The following ADGRG6 variants were observed in gnomAD, a reference collection of about 807,000 sequenced individuals.
ADGRG6 encodes the protein G-protein coupled receptor 126.
Under a neutral mutation model 142.4 loss-of-function variants are expected in ADGRG6, and 84 were observed. The ratio of observed to expected loss-of-function variants is 0.59; its 90% CI spans 0.49 to 0.71. The LOEUF (loss-of-function observed/expected upper bound fraction) is 0.71. Ranked by LOEUF, ADGRG6 falls within the 30% of genes least tolerant of loss-of-function variation. ADGRG6 has a pLI of 0.00. For synonymous variants in ADGRG6, 521 were observed against 520.5 expected, an observed-to-expected ratio of 1.00 and a Z score of -0.01; for missense variants, 1,367 against 1,466.6, an observed-to-expected ratio of 0.93 and a Z score of 1.11.
intron 6 of ADGRG6, among the ~76,000 whole-genome samples, chr6:142,389,400 A>G (rs1402061359): frequency 1.3e-5 from 2 of 151,920 alleles, no homozygotes; most frequent in Admixed American, 6.6e-5. Flanking sequence ...GGAGACTCAA[A>G]AAATTTTCTT....
intron 2 of ADGRG6, among the ~76,000 whole-genome samples, chr6:142,318,862 A>G (rs1408757224): frequency 6.6e-6 from 1 of 151,982 alleles, no homozygotes; most frequent in African/African-American, 2.4e-5. Flanking sequence ...GGGAGACCAG[A>G]CTGGAGGATG....
At chr6:142,338,554 TTAAA>T (rs1450231757) in intron 2 of ADGRG6, among the ~76,000 whole-genome samples, 1 of 151,396 alleles carries the variant, frequency 6.6e-6, no homozygotes, top group Non-Finnish European at 1.5e-5. Context: ...TATTTTGTGC[TTAAA>T]TAATAGTAGT....
intron 18 of ADGRG6, among the ~76,000 whole-genome samples, chr6:142,414,138 A>G (rs995980937): frequency 1.1e-4 from 16 of 152,142 alleles, no homozygotes; most frequent in African/African-American, 3.1e-4. Context: ...TTCTCCTCCA[A>G]CCAGGATTGA....
At chr6:142,319,937 G>C (rs1312672878) in intron 2 of ADGRG6, among the ~76,000 whole-genome samples, 3 of 152,022 alleles carry the variant, frequency 2.0e-5, no homozygotes, top group Non-Finnish European at 4.4e-5. Flanking sequence ...TTACGTTTTT[G>C]GTCAGAAAAA....
chr6:142,315,090 A>G (rs1562303505), intron 2 of ADGRG6, among the ~76,000 whole-genome samples: 1 of 151,934 alleles, frequency 6.6e-6, no homozygotes, highest in East Asian at 1.9e-4. Context: ...TTTAGCGGGT[A>G]CTTTTAATAA....
chr6:142,405,033 A>G (rs1384264185), intron 14 of ADGRG6, among the ~76,000 whole-genome samples: 2 of 152,216 alleles, frequency 1.3e-5, no homozygotes, highest in Non-Finnish European at 2.9e-5. Flanking sequence ...AGCACAATAT[A>G]TCTTTTAACT....
intron 6 of ADGRG6, among the ~76,000 whole-genome samples, chr6:142,386,317 A>T (rs985285064): frequency 7.2e-5 from 11 of 152,222 alleles, no homozygotes; most frequent in African/African-American, 2.7e-4. Context: ...GATTGATATA[A>T]ACAAGAGTTA....
chr6:142,398,236 G>A (rs963064854), intron 10 of ADGRG6, among the ~76,000 whole-genome samples: 1 of 152,138 alleles, frequency 6.6e-6, no homozygotes, highest in African/African-American at 2.4e-5. Context: ...GACTAGCCTG[G>A]GCTACACAGG....
At chr6:142,317,465 CTT>C (rs1487989536) in intron 2 of ADGRG6, among the ~76,000 whole-genome samples, 2 of 151,434 alleles carry the variant, frequency 1.3e-5, no homozygotes, top group Admixed American at 1.3e-4. Context: ...AGTTAGGTAT[CTT>C]TAATCAGAGT....
chr6:142,401,182 A>G (rs567893859), intron 11 of ADGRG6, among the ~76,000 whole-genome samples: 1 of 152,198 alleles, frequency 6.6e-6, no homozygotes, highest in Non-Finnish European at 1.5e-5. Flanking sequence ...CTGCCTAAGC[A>G]TAAATACTTT....
intron 3 of ADGRG6, 77 bp downstream of exon 3, chr6:142,367,987 A>G: frequency 2.6e-6 from 2 of 767,598 alleles, no homozygotes; most frequent in Non-Finnish European, 4.3e-6. Context: ...ACCAGAAGAC[A>G]GAGTTATGCT....
intron 1 of ADGRG6, among the ~76,000 whole-genome samples, chr6:142,308,694 C>T (rs9376685): frequency 0.099 from 15,009 of 151,684 alleles, 1,587 homozygotes; most frequent in East Asian, 0.62. Flanking sequence ...TTCTGCTCAC[C>T]AGTCCACTTA....
intron 2 of ADGRG6, among the ~76,000 whole-genome samples, chr6:142,338,038 T>TTTTTTTTTTTTTTTTTTTTTTTTG (rs71021663): frequency 8.1e-6 from 1 of 123,640 alleles, no homozygotes; most frequent in Non-Finnish European, 1.7e-5. Context: ...TTTTTTTTTT[T>TTTTTTTTTTTTTTTTTTTTTTTTG]GAGACGGAGT....
chr6:142,349,977 C>G (rs1324621216), intron 2 of ADGRG6, among the ~76,000 whole-genome samples: 2 of 152,148 alleles, frequency 1.3e-5, no homozygotes, highest in African/African-American at 4.8e-5. Flanking sequence ...ACAAGTACTA[C>G]CAGCACTCGG....
rs545203599 is a variant in ADGRG6 at position 142,378,551 on chromosome 6, A to G, written c.1070-3400A>G. Among the ~76,000 whole-genome samples, 3 of 152,354 alleles carry G rather than the reference A, an allele frequency of 2.0e-5. 1 individual carries two copies. In the South Asian group the frequency reaches 6.2e-4, roughly 32 times the overall value. On this transcript the variant is annotated intron_variant, in intron 4 of 24. Coordinates refer to ENST00000367609, the MANE Select transcript of ADGRG6 (RefSeq NM_198569.3). ...GGGAATAATGGGCAAAAAGCATTCAAGACAAAATTCCACCTCAGTCCTGCC... is the reference window on the plus strand; with the variant it reads ...GGGAATAATGGGCAAAAAGCATTCAGGACAAAATTCCACCTCAGTCCTGCC...
intron 2 of ADGRG6, among the ~76,000 whole-genome samples, chr6:142,358,278 T>C (rs150986862): frequency 6.6e-6 from 1 of 152,330 alleles, no homozygotes; most frequent in Non-Finnish European, 1.5e-5. Flanking sequence ...AGTGTGTGTC[T>C]TTTAAGTTTC....
At chr6:142,389,328 TTG>T (rs1438780156) in intron 6 of ADGRG6, among the ~76,000 whole-genome samples, 2 of 151,982 alleles carry the variant, frequency 1.3e-5, no homozygotes, top group East Asian at 3.8e-4. Flanking sequence ...TTTCTATATT[TTG>T]TGTGCCTATT....
In ADGRG6 at chr6:142,444,162, A is replaced by G. The variant is rs1167919281; in HGVS notation, c.*647A>G. 1 of 152,220 alleles carries G rather than the reference A, an allele frequency of 6.6e-6. No individual in the cohort carries two copies. Among genetic ancestry groups the G allele is most frequent in the African/African-American group, 2.4e-5 (1 of 41,462 alleles). 9.4% of individuals were successfully genotyped at this position (152,220 alleles called of 1,614,324 possible). On this transcript the variant is annotated 3_prime_UTR_variant, in exon 25 of 25. Transcript: ENST00000367609. ...TTGACCTAGTTAAATGAGGCTATAT[A>G]AATTTCTAATATTTTACTTATTCTA...
chr6:142,385,012 A>C (rs1273305503), intron 6 of ADGRG6, among the ~76,000 whole-genome samples: 1 of 151,938 alleles, frequency 6.6e-6, no homozygotes, highest in Non-Finnish European at 1.5e-5. Context: ...TTTCACATGG[A>C]CTCTAGCCAG....
Sources: gnomAD v4.1 joint callset for allele counts (sites outside exome capture counted in the v4.1 genomes callset) on GRCh38, gnomAD v4.1.1 for gene constraint, MANE v1.5 for transcripts, NCBI Gene and HGNC (gene_info 2026-07-23, HGNC 2026-07-21) for gene names.